The following LYSMD2 variants were observed in gnomAD, a reference collection of about 807,000 sequenced individuals.
LYSMD2 encodes the protein LysM domain containing 2, also known as lysM and putative peptidoglycan-binding domain-containing protein 2.
A neutral mutation model predicts 17.7 loss-of-function variants in LYSMD2; 6 were observed. The ratio of observed to expected loss-of-function variants is 0.34; its 90% CI spans 0.19 to 0.67. The LOEUF (loss-of-function observed/expected upper bound fraction) is 0.67. Among genes scored for constraint, LYSMD2 ranks in the 30% least tolerant of loss-of-function variants. The probability of loss-of-function intolerance (pLI) is 0.69; values close to 1 mark genes in which losing one functional copy is unlikely to be tolerated. For synonymous variants in LYSMD2, 102 were observed against 129.8 expected, an observed-to-expected ratio of 0.79 and a Z score of 1.45; for missense variants, 237 against 286.7, an observed-to-expected ratio of 0.83 and a Z score of 1.25.
chr15:51,740,704 T>C (rs2055638529), upstream of LYSMD2, among the ~76,000 whole-genome samples: 1 of 151,852 alleles, frequency 6.6e-6, no homozygotes. Context: ...CATATAAGTG[T>C]GAAAAAGATG....
chr15:51,725,122 C>G lies in LYSMD2; in HGVS notation c.274-1G>C. 6.4e-7 allele frequency: 1 copy of G among 1,556,960 alleles called. No individual in the cohort carries two copies. The highest frequency in any genetic ancestry group is 8.7e-7 in the Non-Finnish European group (1 of 1,143,880). ...TATTGGCCCTTTTAATCTGTTCCAT[C>G]TAAAATATAAAAAAGGAGACACAGA... is the stretch of plus-strand genomic sequence containing the variant. On this transcript the variant is annotated splice_acceptor_variant, in intron 1 of 2. Coordinates refer to ENST00000267838, the MANE Select transcript of LYSMD2 (RefSeq NM_153374.3). LOFTEE classifies it high-confidence loss of function.
chr15:51,724,761 C>T, intron 2 of LYSMD2, 29 bp downstream of exon 2: 1 of 1,536,582 alleles, frequency 6.5e-7, no homozygotes, highest in South Asian at 1.2e-5. Context: ...TTTATTTAGA[C>T]TTTGACATTT....
upstream of LYSMD2, among the ~76,000 whole-genome samples, chr15:51,739,925 G>T (rs200372357): frequency 6.6e-6 from 1 of 151,962 alleles, no homozygotes; most frequent in Non-Finnish European, 1.5e-5. Context: ...AGACCCTGGG[G>T]TTTTTTGTTT....
intron 1 of LYSMD2, among the ~76,000 whole-genome samples, chr15:51,749,908 C>T (rs1261142446): frequency 1.3e-5 from 2 of 152,226 alleles, no homozygotes; most frequent in African/African-American, 4.8e-5. Flanking sequence ...ATTTGTCATT[C>T]TGACAGGAGG....
In LYSMD2 at chr15:51,723,445, A is replaced by G. The variant is rs2055515581; in HGVS notation, c.*162T>C. On this transcript the variant is annotated 3_prime_UTR_variant, in exon 3 of 3. Transcript: ENST00000267838. ...TTAAAATTATAGAAAGCCAGAGGGA[A>G]CTAATCACTTCAGTGCAACTGCAGC... The G allele has an allele frequency of 8.2e-6, 5 of 608,676 alleles. No homozygotes were observed. The Admixed American group carries it at 8.2e-5, about 10-fold the overall frequency. The allele number at this position is 608,676 out of a possible 1,614,324, so 37.7% of individuals were successfully genotyped here. A position where few individuals can be genotyped will look rare whatever the true frequency, so the allele number is the denominator to read the frequency against.
chr15:51,723,758 T>C, intron 2 of LYSMD2, 109 bp from the exon 3 acceptor site: 1 of 779,750 alleles, frequency 1.3e-6, no homozygotes, highest in South Asian at 1.9e-5. Context: ...ATATATCAAC[T>C]TAGAATATTG....
chr15:51,725,727 A>T (rs1320750917), intron 1 of LYSMD2, among the ~76,000 whole-genome samples: 1 of 152,132 alleles, frequency 6.6e-6, no homozygotes, highest in Non-Finnish European at 1.5e-5. Flanking sequence ...ATATATGTAC[A>T]TTCTATACAT....
At chr15:51,748,827 C>T (rs1242813792) in intron 1 of LYSMD2, among the ~76,000 whole-genome samples, 1 of 152,162 alleles carries the variant, frequency 6.6e-6, no homozygotes, top group African/African-American at 2.4e-5. Context: ...TGTAAACACC[C>T]ATATAGGCTT....
Position 51,737,327 on chromosome 15 carries a change from C to T in LYSMD2, c.273+23G>A, listed in dbSNP as rs1313263724. The T allele has an allele frequency of 1.6e-6, 2 of 1,286,110 alleles. No homozygotes were observed. The highest frequency in any genetic ancestry group is 2.0e-5 in the South Asian group (1 of 50,446). 79.7% of individuals were successfully genotyped at this position (1,286,110 alleles called of 1,614,324 possible). A position where few individuals can be genotyped will look rare whatever the true frequency, so the allele number is the denominator to read the frequency against. Reference sequence around the variant, plus strand: ...CCTGCGCGGTAGCTGCCAGCCCGGGCCGCGGCGGCGCGCCCTGCTCACCGT... The same window carrying T: ...CCTGCGCGGTAGCTGCCAGCCCGGGTCGCGGCGGCGCGCCCTGCTCACCGT... On this transcript the variant is annotated intron_variant, in intron 1 of 2. Coordinates refer to ENST00000267838, the MANE Select transcript of LYSMD2 (RefSeq NM_153374.3). This position sits in a 1 kb window ranked among gnomAD's most constrained non-coding sequence, Gnocchi z 4.2.
At chr15:51,735,229 T>C (rs1040444723) in intron 1 of LYSMD2, among the ~76,000 whole-genome samples, 14 of 152,052 alleles carry the variant, frequency 9.2e-5, no homozygotes, top group African/African-American at 3.4e-4. Context: ...ACTGTTATGG[T>C]AAGTATTATC....
At chr15:51,727,413 C>T (rs2055547099) in intron 1 of LYSMD2, among the ~76,000 whole-genome samples, 1 of 152,226 alleles carries the variant, frequency 6.6e-6, no homozygotes, top group African/African-American at 2.4e-5. Flanking sequence ...TCCCTTGGCC[C>T]TTCAGGCCTA....
chr15:51,747,714 G>C (rs968966415), intron 1 of LYSMD2, among the ~76,000 whole-genome samples: 6 of 152,052 alleles, frequency 3.9e-5, no homozygotes, highest in African/African-American at 1.4e-4. Context: ...TCAGTTGTTT[G>C]TCATGTAGAG....
intron 1 of LYSMD2, among the ~76,000 whole-genome samples, chr15:51,733,790 C>A (rs1327778797): frequency 1.3e-5 from 2 of 152,182 alleles, no homozygotes. Context: ...GAAGCTAGCC[C>A]TGTATCCAGC....
chr15:51,725,672 C>T (rs2055535091), intron 1 of LYSMD2, among the ~76,000 whole-genome samples: 1 of 151,420 alleles, frequency 6.6e-6, no homozygotes, highest in African/African-American at 2.4e-5. Flanking sequence ...GCTTATATAC[C>T]CACTCACATC....
At chr15:51,728,860 A>G (rs910218965) in intron 1 of LYSMD2, among the ~76,000 whole-genome samples, 1 of 142,622 alleles carries the variant, frequency 7.0e-6, no homozygotes, top group African/African-American at 2.6e-5. Flanking sequence ...ACAGAGTGAG[A>G]CTCCATCTCA....
At chr15:51,751,213 C>A in intron 1 of LYSMD2, 1 of 700,226 alleles carries the variant, frequency 1.4e-6, no homozygotes, top group Non-Finnish European at 2.6e-6. Flanking sequence ...AACCCAACTA[C>A]TCTCTCCTCC....
chr15:51,750,261 A>G (rs1408105029), intron 1 of LYSMD2, among the ~76,000 whole-genome samples: 1 of 152,248 alleles, frequency 6.6e-6, no homozygotes, highest in Non-Finnish European at 1.5e-5. Flanking sequence ...TGTAAAAATC[A>G]AATGAGAACA....
intron 1 of LYSMD2, among the ~76,000 whole-genome samples, chr15:51,747,523 C>A (rs1486283335): frequency 6.6e-6 from 1 of 152,156 alleles, no homozygotes; most frequent in African/African-American, 2.4e-5. Flanking sequence ...GAAAACAGAC[C>A]TTAATATAAT....
chr15:51,729,524 T>C (rs1350690074), intron 1 of LYSMD2, among the ~76,000 whole-genome samples: 2 of 152,398 alleles, frequency 1.3e-5, no homozygotes, highest in African/African-American at 2.4e-5. Flanking sequence ...AGTGGCACGA[T>C]CTCGGCTCAC....
Sources: gnomAD v4.1 joint callset for allele counts (sites outside exome capture counted in the v4.1 genomes callset) on GRCh38, gnomAD v4.1.1 for gene constraint, Gnocchi (gnomAD v3.1) non-coding constraint, MANE v1.5 for transcripts, NCBI Gene and HGNC (gene_info 2026-07-23, HGNC 2026-07-21) for gene names.